The following PKD1L3 variants were observed in gnomAD, a reference collection of about 807,000 sequenced individuals.
The protein encoded by PKD1L3 is polycystin 1 like 3, transient receptor potential channel interacting.
A neutral mutation model predicts 184.1 loss-of-function variants in PKD1L3; 239 were observed. That is an observed-to-expected ratio of 1.30 (90% confidence interval 1.17 to 1.45). The LOEUF is 1.45. Ranked by LOEUF, PKD1L3 falls within the 40% of genes most tolerant of loss-of-function variation. PKD1L3 has a pLI of 0.00. For missense variants in PKD1L3, 2,660 were observed against 2,067.2 expected (o/e 1.29, Z -5.56); for synonymous variants, 996 against 778.8 (o/e 1.28, Z -4.64).
intron 16 of PKD1L3, among the ~76,000 whole-genome samples, chr16:71,962,510 A>G (rs2039319977): frequency 6.6e-6 from 1 of 152,030 alleles, no homozygotes; most frequent in Non-Finnish European, 1.5e-5. Context: ...ATTTTTTGAG[A>G]TGGAGTTTCG....
chr16:71,967,823 G>A, intron 14 of PKD1L3, 83 bp downstream of exon 14: 1 of 1,150,310 alleles, frequency 8.7e-7, no homozygotes. Context: ...AAGTGCTATT[G>A]GTTGCCAGGA....
At chr16:71,953,400 A>AAGAGGATTAATTGACTCAC (rs199518982) in intron 17 of PKD1L3, among the ~76,000 whole-genome samples, 62 of 151,812 alleles carry the variant, frequency 4.1e-4, no homozygotes, top group Non-Finnish European at 7.2e-4. Flanking sequence ...TTATAAAGAA[A>AAGAGGATTAATTGACTCAC]AGTTCTTCAT....
Position 71,993,312 on chromosome 16 carries a change from C to CG in PKD1L3, c.438_439insC (p.Ala147ArgfsTer4). 6.5e-7 allele frequency: 1 copy of CG among 1,547,648 alleles called. No individual in the cohort carries two copies. The highest frequency in any genetic ancestry group is 8.7e-7 in the Non-Finnish European group (1 of 1,145,574). The stretch of plus-strand genomic sequence containing the variant: ...TTATTTCCATTTCTTTCATAATGGG[C>CG]ATCTCCGTCCAAAAAGTCACCTATT... On this transcript the variant is annotated frameshift_variant, in exon 3 of 30. Coordinates refer to ENST00000620267, the MANE Select transcript of PKD1L3 (RefSeq NM_181536.2). LOFTEE classifies it high-confidence loss of function.
At chr16:71,944,209 T>A (rs1567496981) in intron 22 of PKD1L3, 39 bp from the exon 23 acceptor site, 1 of 1,510,106 alleles carries the variant, frequency 6.6e-7, no homozygotes, top group African/African-American at 1.4e-5. Flanking sequence ...AAATGTTATA[T>A]TTCATTAAGC....
chr16:71,948,300 C>T (rs2038697100), intron 21 of PKD1L3, among the ~76,000 whole-genome samples: 1 of 152,182 alleles, frequency 6.6e-6, no homozygotes, highest in Admixed American at 6.5e-5. Flanking sequence ...CCAGGCTGGT[C>T]TCAAACTCCT....
intron 17 of PKD1L3, 116 bp downstream of exon 17, chr16:71,953,989 G>T: frequency 1.2e-6 from 1 of 838,408 alleles, no homozygotes; most frequent in Non-Finnish European, 1.7e-6. Context: ...GCTGAGGCAG[G>T]AGGATCACTT....
intron 7 of PKD1L3, among the ~76,000 whole-genome samples, chr16:71,981,172 A>G (rs1356170269): frequency 6.6e-6 from 1 of 152,200 alleles, no homozygotes; most frequent in African/African-American, 2.4e-5. Flanking sequence ...TTAGCTATTA[A>G]ACCATGCTGC....
intron 2 of PKD1L3, among the ~76,000 whole-genome samples, chr16:71,995,925 G>C (rs1392056189): frequency 1.3e-5 from 2 of 152,116 alleles, no homozygotes; most frequent in African/African-American, 2.4e-5. Context: ...TAAGTTTGTG[G>C]ATTTATGCCA....
chr16:71,941,565 A>G (rs2038360430), intron 24 of PKD1L3, among the ~76,000 whole-genome samples: 1 of 150,468 alleles, frequency 6.6e-6, no homozygotes, highest in Admixed American at 6.7e-5. Context: ...CAGATGATAG[A>G]ACATTCTATG....
At chr16:71,957,990 C>T (rs1266494078) in intron 16 of PKD1L3, among the ~76,000 whole-genome samples, 1 of 152,180 alleles carries the variant, frequency 6.6e-6, no homozygotes, top group Non-Finnish European at 1.5e-5. Context: ...TTAGGAACTG[C>T]TCCACAGGCA....
intron 23 of PKD1L3, among the ~76,000 whole-genome samples, chr16:71,943,475 A>G (rs1443860448): frequency 1.4e-5 from 2 of 141,052 alleles, no homozygotes; most frequent in Non-Finnish European, 3.0e-5. Context: ...GAGGCACAGG[A>G]TGCAGTGAGC....
chr16:71,958,597 A>G (rs1229730545), intron 16 of PKD1L3, among the ~76,000 whole-genome samples: 2 of 151,422 alleles, frequency 1.3e-5, no homozygotes, highest in Non-Finnish European at 2.9e-5. Flanking sequence ...CCTGGCCAAC[A>G]TGGTGAAACC....
intron 15 of PKD1L3, among the ~76,000 whole-genome samples, chr16:71,966,154 G>A (rs1346855144): frequency 6.6e-6 from 1 of 151,844 alleles, no homozygotes; most frequent in Non-Finnish European, 1.5e-5. Context: ...GGCAACATGT[G>A]GCAACAGATT....
At chr16:71,968,108 T>C in intron 13 of PKD1L3, 101 bp from the exon 14 acceptor site, 4 of 904,170 alleles carry the variant, frequency 4.4e-6, no homozygotes, top group Non-Finnish European at 6.7e-6. Context: ...GGCAGGTGTC[T>C]GGCAGCCCTG....
At chr16:71,998,050 G>A (rs1358605925) in intron 2 of PKD1L3, among the ~76,000 whole-genome samples, 1 of 152,172 alleles carries the variant, frequency 6.6e-6, no homozygotes. Context: ...ACACGAGGAG[G>A]ACATCAAGGC....
In PKD1L3 at chr16:71,947,526, A is replaced by G; in HGVS notation, c.3684T>C (p.Asn1228=). Residue 1228 remains asparagine, a synonymous_variant, in exon 22 of 30, where the codon AAT becomes AAC. Coordinates refer to ENST00000620267, the MANE Select transcript of PKD1L3 (RefSeq NM_181536.2). The part of the protein sequence containing the change: ...MSRMPRLNKE[N]EQQTKRILAL... Reference sequence around the variant, plus strand: ...CCAAGATCCTCTTTGTTTGTTGTTCATTCTCTTTGTTAAGCCGTGGCATCC... The same window carrying G: ...CCAAGATCCTCTTTGTTTGTTGTTCGTTCTCTTTGTTAAGCCGTGGCATCC... The G allele has an allele frequency of 1.9e-6, 3 of 1,545,962 alleles. No individual in the cohort carries two copies. Among genetic ancestry groups the G allele is most frequent in the Non-Finnish European group, 2.6e-6 (3 of 1,142,164 alleles).
intron 27 of PKD1L3, 52 bp from the exon 28 acceptor site, chr16:71,933,573 A>C: frequency 1.5e-6 from 2 of 1,315,066 alleles, no homozygotes; most frequent in South Asian, 2.5e-5. Context: ...ACATCTTTCT[A>C]TCCTGAGGTG....
rs376645479 is a variant in PKD1L3, at chr16:71,960,541, TA to T, written c.2612+2663del. ...CAGGATCAAAGGGAGACCTATATAA[TA>T]AAAAAAAAAGTATCCAGAAGAAATA... On this transcript the variant is annotated intron_variant, in intron 16 of 29. Transcript: ENST00000620267. Among the ~76,000 whole-genome samples the T allele has an allele frequency of 7.6e-3, 1,060 of 140,112 alleles. 7 individuals are homozygous for T. The highest frequency in any genetic ancestry group is 0.016 in the Middle Eastern group (4 of 256). The allele number at this position is 140,112 out of a possible 152,430, so 91.9% of individuals were successfully genotyped here.
Position 71,973,315 on chromosome 16 carries a change from G to A in PKD1L3, c.1953+9C>T, listed in dbSNP as rs751790518. ...GAAGAGAGGCCCAAGAAGCGGCTCA[G>A]TTTCTTACTTGGCATCCGGCGCTGC... On this transcript the variant is annotated intron_variant, in intron 12 of 29. Transcript: ENST00000620267. 2 of 1,551,252 alleles carry A rather than the reference G, an allele frequency of 1.3e-6. No individual in the cohort carries two copies. The highest frequency in any genetic ancestry group is 2.4e-5 in the South Asian group (2 of 84,048).
Sources: gnomAD v4.1 joint callset for allele counts (sites outside exome capture counted in the v4.1 genomes callset) on GRCh38, gnomAD v4.1.1 for gene constraint, MANE v1.5 for transcripts, NCBI Gene and HGNC (gene_info 2026-07-23, HGNC 2026-07-21) for gene names.